Variants in TMEM232 observed in about 807,000 individuals in gnomAD.
TMEM232 encodes transmembrane protein 232.
In TMEM232, 80 loss-of-function variants were observed where a neutral mutation model predicts 78.8. That is an observed-to-expected ratio of 1.01 (90% CI 0.85 to 1.22). TMEM232 has a LOEUF of 1.22. TMEM232 is among the 50% of genes most tolerant of loss of function. The probability of loss-of-function intolerance (pLI) is 0.00; values close to 1 mark genes in which losing one functional copy is unlikely to be tolerated. For synonymous variants in TMEM232, 297 were observed against 254.3 expected, an observed-to-expected ratio of 1.17 and a Z score of -1.60; for missense variants, 881 against 742.2, an observed-to-expected ratio of 1.19 and a Z score of -2.17.
Position 110,424,934 on chromosome 5 carries a change from A to G in TMEM232, c.1704-18T>C. The G allele has an allele frequency of 6.6e-7, 1 of 1,508,934 alleles. No individual in the cohort carries two copies. The highest frequency in any genetic ancestry group is 1.2e-5 in the South Asian group (1 of 81,558). The allele number at this position is 1,508,934 out of a possible 1,614,324, so 93.5% of individuals were successfully genotyped here. ...GATGTTCCCTTCAAAAGAGCACAAG[A>G]ACAAATCCAACATTAGGTATAGGTA... On this transcript the variant is annotated intron_variant, in intron 12 of 13. Transcript: ENST00000455884.
intron 2 of TMEM232, among the ~76,000 whole-genome samples, chr5:110,405,394 G>A (rs546337760): frequency 6.6e-6 from 1 of 152,040 alleles, no homozygotes; most frequent in South Asian, 2.1e-4. Flanking sequence ...TAGAAGATAT[G>A]TGATGAAGCA....
chr5:110,673,196 T>C (rs536535586), intron 1 of TMEM232, among the ~76,000 whole-genome samples: 32 of 151,212 alleles, frequency 2.1e-4, no homozygotes, highest in African/African-American at 7.0e-4. Context: ...AGCAAACTAT[T>C]GCAAGGACAA....
intron 12 of TMEM232, among the ~76,000 whole-genome samples, chr5:110,523,425 G>T (rs941591599): frequency 6.6e-6 from 1 of 151,824 alleles, no homozygotes; most frequent in African/African-American, 2.4e-5. Context: ...TGCTAACTTT[G>T]AGCTTAATTT....
At chr5:110,473,631 C>G (rs1229976982) in intron 12 of TMEM232, among the ~76,000 whole-genome samples, 2 of 151,214 alleles carry the variant, frequency 1.3e-5, no homozygotes, top group Middle Eastern at 3.4e-3. Flanking sequence ...CTAGCAATCT[C>G]ACTACTGGGT....
At chr5:110,447,451 G>A (rs1172746891) in intron 12 of TMEM232, among the ~76,000 whole-genome samples, 1 of 152,054 alleles carries the variant, frequency 6.6e-6, no homozygotes, top group East Asian at 1.9e-4. Context: ...AGCACAATTT[G>A]TAAATCTTAT....
intron 7 of TMEM232, among the ~76,000 whole-genome samples, chr5:110,624,195 A>T (rs540866816): frequency 3.0e-4 from 45 of 152,314 alleles, no homozygotes; most frequent in Middle Eastern, 3.4e-3. Context: ...CTTAGATGAA[A>T]ATATTATAGG....
At chr5:110,592,388 T>C (rs999330387) in intron 10 of TMEM232, among the ~76,000 whole-genome samples, 1 of 152,042 alleles carries the variant, frequency 6.6e-6, no homozygotes, top group Non-Finnish European at 1.5e-5. Flanking sequence ...CATTTCAAAA[T>C]AGAATCATCA....
At chr5:110,431,005 G>A (rs552413256) in intron 12 of TMEM232, among the ~76,000 whole-genome samples, 31 of 151,592 alleles carry the variant, frequency 2.0e-4, no homozygotes, top group Non-Finnish European at 3.4e-4. Flanking sequence ...GAAAAATCCC[G>A]GCAGAGAAAT....
chr5:110,391,468 T>G (rs760375024), intron 3 of TMEM232, among the ~76,000 whole-genome samples: 2 of 152,138 alleles, frequency 1.3e-5, no homozygotes, highest in South Asian at 4.1e-4. Flanking sequence ...AATGAGTGAT[T>G]TTCCATATCC....
intron 12 of TMEM232, among the ~76,000 whole-genome samples, chr5:110,516,030 G>A (rs577887655): frequency 2.6e-5 from 4 of 152,164 alleles, no homozygotes; most frequent in African/African-American, 9.7e-5. Context: ...ACGAGGTCAG[G>A]AGGTCGAGAC....
At position 110,625,366 on chromosome 5, in the gene TMEM232, C is replaced by T. The variant is rs1405029483; in HGVS notation, c.669G>A (p.Leu223=). 4.5e-6 allele frequency: 7 copies of T among 1,547,548 alleles called. No homozygotes were observed. The highest frequency in any genetic ancestry group is 2.0e-5 in the Admixed American group (1 of 50,746). ...TTTTACCTATAATTTCCGAGGCTTT[C>T]AGGATGAATTGCACATTTGAAAAGA... is the stretch of plus-strand genomic sequence containing the variant. ...PNIFSNVQFI[L]KASEIIGKRE... Residue 223 remains leucine (L), a synonymous_variant, in exon 7 of 14, where the codon CTG becomes CTA. Transcript: ENST00000455884.
chr5:110,630,263 A>T (rs1392633227), intron 5 of TMEM232, among the ~76,000 whole-genome samples: 1 of 152,210 alleles, frequency 6.6e-6, no homozygotes, highest in Non-Finnish European at 1.5e-5. Context: ...CTGACTAGAG[A>T]CACTGCATAC....
chr5:110,475,212 C>CA (rs1000061539), intron 12 of TMEM232, among the ~76,000 whole-genome samples: 1 of 151,738 alleles, frequency 6.6e-6, no homozygotes, highest in African/African-American at 2.4e-5. Flanking sequence ...TGATTTATGA[C>CA]AAAAGTGATC....
chr5:110,728,343 T>A (rs1798355962), upstream of TMEM232, among the ~76,000 whole-genome samples: 2 of 151,880 alleles, frequency 1.3e-5, no homozygotes, highest in African/African-American at 4.8e-5. Context: ...GCATAAAATT[T>A]ATATATGATA....
At chr5:110,494,942 T>C (rs938911462) in intron 12 of TMEM232, among the ~76,000 whole-genome samples, 1 of 151,752 alleles carries the variant, frequency 6.6e-6, no homozygotes, top group African/African-American at 2.4e-5. Context: ...ATTATAAGTA[T>C]TCTTACAAAA....
chr5:110,399,807 C>T (rs1354155907), intron 2 of TMEM232, among the ~76,000 whole-genome samples: 1 of 152,130 alleles, frequency 6.6e-6, no homozygotes, highest in East Asian at 1.9e-4. Context: ...GGTTGCCCTT[C>T]CTTACCAGAT....
chr5:110,715,881 C>A (rs1312664184), intron 1 of TMEM232, among the ~76,000 whole-genome samples: 1 of 152,184 alleles, frequency 6.6e-6, no homozygotes, highest in Non-Finnish European at 1.5e-5. Context: ...GAGAATTCAT[C>A]TACATGATAA....
intron 5 of TMEM232, among the ~76,000 whole-genome samples, chr5:110,633,019 A>G (rs1188788886): frequency 1.3e-5 from 2 of 152,176 alleles, no homozygotes; most frequent in African/African-American, 4.8e-5. Context: ...GAGCAGACTA[A>G]AAGTGGATTT....
At chr5:110,593,839 C>G (rs187483944) in intron 10 of TMEM232, among the ~76,000 whole-genome samples, 10 of 151,988 alleles carry the variant, frequency 6.6e-5, no homozygotes, top group Non-Finnish European at 1.2e-4. Flanking sequence ...GTTTGTAACA[C>G]AAAAGTTAAA....
Sources: allele counts gnomAD v4.1 joint callset (sites outside exome capture counted in the v4.1 genomes callset), GRCh38; gene constraint gnomAD v4.1.1; transcripts MANE v1.5; gene names NCBI Gene and HGNC (gene_info 2026-07-23, HGNC 2026-07-21).